The following LEKR1 variants were observed in gnomAD, a reference collection of about 807,000 sequenced individuals.
LEKR1 encodes the protein protein LEKR1.
In LEKR1, 59 loss-of-function variants were observed where a neutral mutation model predicts 72.4. The ratio of observed to expected loss-of-function variants is 0.82; its 90% CI spans 0.66 to 1.01. The LOEUF (loss-of-function observed/expected upper bound fraction) is 1.01. Among genes scored for constraint, LEKR1 ranks in the 50% least tolerant of loss-of-function variants. LEKR1 has a pLI of 0.00. For synonymous variants in LEKR1, 257 were observed against 263.2 expected, an observed-to-expected ratio of 0.98 and a Z score of 0.23; for missense variants, 728 against 759.2, an observed-to-expected ratio of 0.96 and a Z score of 0.48.
intron 6 of LEKR1, among the ~76,000 whole-genome samples, chr3:156,945,189 T>TA (rs1247602527): frequency 3.9e-5 from 6 of 151,910 alleles, no homozygotes; most frequent in African/African-American, 9.7e-5. Context: ...CACCTTTCCA[T>TA]ATACCTGTTT....
chr3:156,836,779 C>T (rs344078), intron 2 of LEKR1, among the ~76,000 whole-genome samples: 46,241 of 152,000 alleles, frequency 0.3, 9,996 homozygotes, highest in African/African-American at 0.62. Flanking sequence ...CAGAAGCTGT[C>T]CATGGAGAAG....
rs370793692 is a variant in LEKR1, at chr3:156,862,911, A to G, written c.263+9929A>G. ...TATTATATCCCCTTTCTTTGCAGAA[A>G]GGATATGCAGTGATTTAAAAGGGCA... On this transcript the variant is annotated intron_variant, in intron 3 of 12. Transcript: ENST00000356539. Among the ~76,000 whole-genome samples the G allele has an allele frequency of 7.9e-5, 12 of 152,226 alleles. No homozygotes were observed. In the East Asian group the frequency reaches 2.1e-3, roughly 27 times the overall value.
At chr3:156,912,545 G>C (rs1184552368) in intron 3 of LEKR1, among the ~76,000 whole-genome samples, 2 of 152,130 alleles carry the variant, frequency 1.3e-5, no homozygotes, top group Non-Finnish European at 2.9e-5. Context: ...CTGCCTATCT[G>C]CTGTCAAAGT....
chr3:156,963,284 C>T (rs1476228879), intron 6 of LEKR1, among the ~76,000 whole-genome samples: 1 of 152,168 alleles, frequency 6.6e-6, no homozygotes, highest in African/African-American at 2.4e-5. Flanking sequence ...GAAACCTCAG[C>T]TAAGCAGTGA....
chr3:156,883,820 C>G (rs565584094), intron 3 of LEKR1, among the ~76,000 whole-genome samples: 1 of 152,146 alleles, frequency 6.6e-6, no homozygotes, highest in Admixed American at 6.6e-5. Context: ...TCAGCTATGT[C>G]TTTTTCAGCA....
In LEKR1 at chr3:156,993,209, T is replaced by A; in HGVS notation, c.1041T>A (p.Asn347Lys). 1 of 1,612,298 alleles carries A rather than the reference T, an allele frequency of 6.2e-7. No individual in the cohort carries two copies. Among genetic ancestry groups the A allele is most frequent in the East Asian group, 2.2e-5 (1 of 44,772 alleles). ...DIKRRINLAE[N>K]ELEITKTLLN... Reference sequence around the variant, plus strand: ...AGAGAAGAATTAACCTTGCAGAAAATGAACTGGAGATAACCAAAACTCTTC... The same window carrying A: ...AGAGAAGAATTAACCTTGCAGAAAAAGAACTGGAGATAACCAAAACTCTTC... The change falls in exon 9 of 13, where the codon AAT becomes AAA. Residue 347 changes from asparagine to lysine, a missense_variant. By Grantham distance (94) the Asn-to-Lys change is moderately conservative (BLOSUM62 0). Coordinates refer to ENST00000356539, the MANE Select transcript of LEKR1 (RefSeq NM_001004316.3).
chr3:156,851,859 A>T (rs1249808454), intron 2 of LEKR1, among the ~76,000 whole-genome samples: 1 of 152,150 alleles, frequency 6.6e-6, no homozygotes, highest in Non-Finnish European at 1.5e-5. Flanking sequence ...TTATGAAGCC[A>T]TCTCTTATCC....
intron 3 of LEKR1, among the ~76,000 whole-genome samples, chr3:156,859,348 T>G (rs773597253): frequency 2.7e-4 from 41 of 152,244 alleles, no homozygotes; most frequent in Non-Finnish European, 8.8e-5. Flanking sequence ...ATATCCTTCT[T>G]GACCTTAAAT....
Position 156,910,474 on chromosome 3 carries a change from G to C in LEKR1, c.264-10101G>C, listed in dbSNP as rs1215428938. 9.2e-5 allele frequency among the ~76,000 whole-genome samples: 14 copies of C among 152,164 alleles called. 1 individual carries two copies. The highest frequency in any genetic ancestry group is 9.2e-4 in the Admixed American group (14 of 15,280). ...TTGAATCATGGAGGGATTACTAGGGGTTGGGCTGAAAAACTAACTGTTGGG... is the reference window on the plus strand; with the variant it reads ...TTGAATCATGGAGGGATTACTAGGGCTTGGGCTGAAAAACTAACTGTTGGG... On this transcript the variant is annotated intron_variant, in intron 3 of 12. Transcript: ENST00000356539.
intron 5 of LEKR1, among the ~76,000 whole-genome samples, chr3:156,927,972 G>T (rs2108575679): frequency 6.6e-6 from 1 of 152,022 alleles, no homozygotes; most frequent in East Asian, 1.9e-4. Context: ...AATAAAGAGT[G>T]ACCCAAAGCA....
At chr3:156,981,857 A>C (rs7612970) in intron 7 of LEKR1, among the ~76,000 whole-genome samples, 80,693 of 152,072 alleles carry the variant, frequency 0.53, 23,399 homozygotes, top group South Asian at 0.79. Context: ...TCCTGTGCAC[A>C]CTCAAACCTC....
intron 9 of LEKR1, among the ~76,000 whole-genome samples, chr3:157,001,716 T>TA (rs1193891406): frequency 3.3e-5 from 5 of 152,218 alleles, no homozygotes; most frequent in Admixed American, 1.3e-4. Flanking sequence ...CAGCATGACA[T>TA]ACTGCTGGCT....
At chr3:156,950,156 G>T (rs952879575) in intron 6 of LEKR1, among the ~76,000 whole-genome samples, 2 of 151,156 alleles carry the variant, frequency 1.3e-5, no homozygotes, top group Non-Finnish European at 3.0e-5. Flanking sequence ...AGGTTGTTCA[G>T]AGCATTATTT....
At chr3:156,898,257 T>C (rs368023536) in intron 3 of LEKR1, among the ~76,000 whole-genome samples, 14 of 152,178 alleles carry the variant, frequency 9.2e-5, no homozygotes, top group East Asian at 3.9e-4. Flanking sequence ...AGTAATGTTA[T>C]GCCAGAGTCA....
At chr3:156,851,198 G>GT (rs1227699524) in intron 2 of LEKR1, 2 of 152,136 alleles carry the variant, frequency 1.3e-5, no homozygotes. Flanking sequence ...TGAAGAAATT[G>GT]TAAGTGTTGA....
At chr3:157,004,762 A>G (rs186470759) in intron 9 of LEKR1, among the ~76,000 whole-genome samples, 5 of 152,260 alleles carry the variant, frequency 3.3e-5, no homozygotes, top group Admixed American at 6.5e-5. Flanking sequence ...GGGAAATTAG[A>G]AAGTATTTTG....
chr3:156,855,984 A>T (rs933635581), intron 3 of LEKR1, among the ~76,000 whole-genome samples: 1 of 141,312 alleles, frequency 7.1e-6, no homozygotes, highest in South Asian at 2.2e-4. Context: ...GTCTATGAAG[A>T]CTTCATACAA....
chr3:157,008,956 T>A (rs1187442829), intron 9 of LEKR1, among the ~76,000 whole-genome samples: 3 of 152,192 alleles, frequency 2.0e-5, no homozygotes, highest in African/African-American at 4.8e-5. Flanking sequence ...TAGCAATTAA[T>A]AATTTCATTA....
chr3:156,974,904 C>A (rs1319623599), intron 6 of LEKR1, among the ~76,000 whole-genome samples: 3 of 152,076 alleles, frequency 2.0e-5, no homozygotes, highest in Admixed American at 6.6e-5. Context: ...ACTGGTGACA[C>A]CAGGTCCAAG....
Sources: gnomAD v4.1 joint callset for allele counts (sites outside exome capture counted in the v4.1 genomes callset) on GRCh38, gnomAD v4.1.1 for gene constraint, MANE v1.5 for transcripts, NCBI Gene and HGNC (gene_info 2026-07-23, HGNC 2026-07-21) for gene names.